APRT: variants seen among roughly 807,000 people sequenced by gnomAD.
The protein encoded by APRT is AMP diphosphorylase.
Under a neutral mutation model 21.0 loss-of-function variants are expected in APRT, and 25 were observed. The observed-to-expected ratio is 1.19, with a 90% CI of 0.87 to 1.66. APRT has a LOEUF of 1.66. APRT is among the 40% of genes most tolerant of loss of function. The probability of loss-of-function intolerance (pLI) is 0.00; values close to 1 mark genes in which losing one functional copy is unlikely to be tolerated. For missense variants in APRT, 294 were observed against 232.7 expected (o/e 1.26, Z -1.72); for synonymous variants, 153 against 109.0 (o/e 1.40, Z -2.52).
In APRT at chr16:88,809,785, C is replaced by T; in HGVS notation, c.456G>A (p.Glu152=). The T allele has an allele frequency of 6.2e-7, 1 of 1,613,248 alleles. No individual in the cohort carries two copies. The highest frequency in any genetic ancestry group is 8.5e-7 in the Non-Finnish European group (1 of 1,180,022). The change falls in exon 5 of 5, where the codon GAG becomes GAA. Residue 152 remains glutamate, a synonymous_variant. Coordinates refer to ENST00000378364, the MANE Select transcript of APRT (RefSeq NM_000485.3). ...LLGRLQAEVL[E]CVSLVELTSL... ...AGGTCAGCTCCACCAGGCTCACGCA[C>T]TCCAGGACCTCAGCCTGCAGGCGGC...
Position 88,811,660 on chromosome 16 carries a change from G to C in APRT, c.81-4C>G. The C allele has an allele frequency of 6.3e-7, 1 of 1,581,726 alleles. No individual in the cohort carries two copies. Among genetic ancestry groups the C allele is most frequent in the Non-Finnish European group, 8.6e-7 (1 of 1,162,392 alleles). On this transcript the variant is annotated splice_region_variant and splice_polypyrimidine_tract_variant and intron_variant, in intron 1 of 4. Transcript: ENST00000378364. ...CTTCAGGACGGGCGAGATGTCCCTG[G>C]ACCCAAGGACAGGCCTGGTGACGCC...
chr16:88,810,588 A>G (rs1159794545), intron 2 of APRT, 32 bp from the exon 3 acceptor site: 1 of 1,606,810 alleles, frequency 6.2e-7, no homozygotes, highest in Admixed American at 1.7e-5. Flanking sequence ...GTGACTCGGC[A>G]GCATGGGAAT....
At chr16:88,810,260 T>C in intron 3 of APRT, 112 bp from the exon 4 acceptor site, 5 of 1,493,584 alleles carry the variant, frequency 3.3e-6, no homozygotes, top group Non-Finnish European at 4.6e-6. Flanking sequence ...TGCTGTTACC[T>C]GGCTGTGTGA....
intron 2 of APRT, 124 bp downstream of exon 2, chr16:88,811,399 ACCCTTCCCGGGCGACCCAAGCACGGCG>A: frequency 1.2e-6 from 1 of 834,886 alleles, no homozygotes; most frequent in Non-Finnish European, 1.9e-6. Context: ...CAATCTCACA[ACCCTTCCCGGGCGACCCAAGCACGGCG>A]CCCGTCCCGG....
intron 1 of APRT, 27 bp from the exon 2 acceptor site, chr16:88,811,683 G>A (rs941513758): frequency 1.5e-5 from 23 of 1,541,512 alleles, no homozygotes; most frequent in Non-Finnish European, 2.0e-5. Flanking sequence ...GCCTGGTGAC[G>A]CCGGGGCCGA....
chr16:88,811,910 G>T lies in APRT; in HGVS notation c.-11C>A, dbSNP rs891185654. On this transcript the variant is annotated 5_prime_UTR_variant, in exon 1 of 5. Coordinates refer to ENST00000378364, the MANE Select transcript of APRT (RefSeq NM_000485.3). The stretch of plus-strand genomic sequence containing the variant: ...CTCGGAGTCGGCCATGGCCGCGTGC[G>T]AAGAGCCAGCGGCAGCCCGAGCGCG... The T allele has an allele frequency of 4.5e-6, 7 of 1,544,100 alleles. No homozygotes were observed. The African/African-American group carries it at 5.5e-5, about 12-fold the overall frequency.
rs983459375 is a variant in APRT, at chr16:88,809,417, G to T, written c.*281C>A. On this transcript the variant is annotated 3_prime_UTR_variant, in exon 5 of 5. Transcript: ENST00000378364. ...ATGCCCACAGTACAGCTGAAGTCTG[G>T]TGTTGTCCTGGGGCTCCCTGCCCTG... is the stretch of plus-strand genomic sequence containing the variant. 7.0e-6 allele frequency: 4 copies of T among 569,240 alleles called. No homozygotes were observed. Among genetic ancestry groups the T allele is most frequent in the African/African-American group, 3.7e-5 (2 of 54,092 alleles). 35.3% of individuals were successfully genotyped at this position (569,240 alleles called of 1,614,324 possible).
chr16:88,809,878 C>A, intron 4 of APRT, 38 bp from the exon 5 acceptor site: 1 of 1,604,770 alleles, frequency 6.2e-7, no homozygotes. Context: ...TTGGCCTGGG[C>A]TGCAGAGAGC....
intron 4 of APRT, 82 bp downstream of exon 4, chr16:88,809,986 GCA>G: frequency 6.4e-7 from 1 of 1,569,208 alleles, no homozygotes; most frequent in African/African-American, 1.3e-5. Context: ...ACAGTAAGCT[GCA>G]TCCCATGTCA....
At position 88,811,928 on chromosome 16, in the gene APRT, C is replaced by T; in HGVS notation, c.-29G>A. 1 of 1,532,878 alleles carries T rather than the reference C, an allele frequency of 6.5e-7. No individual in the cohort carries two copies. Among genetic ancestry groups the T allele is most frequent in the Non-Finnish European group, 8.7e-7 (1 of 1,142,966 alleles). 95.0% of individuals were successfully genotyped at this position (1,532,878 alleles called of 1,614,324 possible). A position where few individuals can be genotyped will look rare whatever the true frequency, so the allele number is the denominator to read the frequency against. ...CGCGTGCGAAGAGCCAGCGGCAGCC[C>T]GAGCGCGCCTGCGCGGGGACGGGCG... is the stretch of plus-strand genomic sequence containing the variant. On this transcript the variant is annotated 5_prime_UTR_variant, in exon 1 of 5. Coordinates refer to ENST00000378364, the MANE Select transcript of APRT (RefSeq NM_000485.3).
At position 88,811,557 on chromosome 16, in the gene APRT, G is replaced by A. The variant is rs1285776557; in HGVS notation, c.180C>T (p.Tyr60=). ...LKATHGGRID[Y]IAGLDSRGFL... ...CGGCCACTGGGCACTCGCCTGCGAT[G>A]TAGTCGATGCGGCCCCCGTGGGTCG... Residue 60 remains tyrosine, a synonymous_variant, in exon 2 of 5, where the codon TAC becomes TAT. Coordinates refer to ENST00000378364, the MANE Select transcript of APRT (RefSeq NM_000485.3). 1.3e-6 allele frequency: 2 copies of A among 1,595,514 alleles called. No homozygotes were observed. The highest frequency in any genetic ancestry group is 1.7e-6 in the Non-Finnish European group (2 of 1,172,470).
chr16:88,809,468 CTT>C lies in APRT; in HGVS notation c.*228_*229del, dbSNP rs1441762135. 3 of 699,612 alleles carry C rather than the reference CTT, an allele frequency of 4.3e-6. No homozygotes were observed. In the African/African-American group the frequency reaches 5.3e-5, roughly 12 times the overall value. 43.3% of individuals were successfully genotyped at this position (699,612 alleles called of 1,614,324 possible). On this transcript the variant is annotated 3_prime_UTR_variant, in exon 5 of 5. Coordinates refer to ENST00000378364, the MANE Select transcript of APRT (RefSeq NM_000485.3). ...GGGAACAGGAGGACAGGAGACGGCT[CTT>C]GTGGGAAAGCTGTTTACTGCGTTCT...
At chr16:88,810,201 T>TTGCACAGCTTGGC in intron 3 of APRT, 53 bp from the exon 4 acceptor site, 6 of 1,588,194 alleles carry the variant, frequency 3.8e-6, no homozygotes, top group Non-Finnish European at 5.2e-6. Context: ...AACAGCTTTG[T>TTGCACAGCTTGGC]TGCACAGCTT....
At position 88,811,925 on chromosome 16, in the gene APRT, G is replaced by C. The variant is rs1001552853; in HGVS notation, c.-26C>G. On this transcript the variant is annotated 5_prime_UTR_variant, in exon 1 of 5. Transcript: ENST00000378364. ...GGCCGCGTGCGAAGAGCCAGCGGCA[G>C]CCCGAGCGCGCCTGCGCGGGGACGG... 2 of 1,533,172 alleles carry C rather than the reference G, an allele frequency of 1.3e-6. No individual in the cohort carries two copies. Among genetic ancestry groups the C allele is most frequent in the African/African-American group, 1.4e-5 (1 of 72,176 alleles). 95.0% of individuals were successfully genotyped at this position (1,533,172 alleles called of 1,614,324 possible).
At position 88,809,512 on chromosome 16, in the gene APRT, G is replaced by T; in HGVS notation, c.*186C>A. ...CTGCGTTCTCCCGCTGTGTGTAATTGGGTTCAGTGTGGCTGAAACACAGCT... is the reference window on the plus strand; with the variant it reads ...CTGCGTTCTCCCGCTGTGTGTAATTTGGTTCAGTGTGGCTGAAACACAGCT... On this transcript the variant is annotated 3_prime_UTR_variant, in exon 5 of 5. Transcript: ENST00000378364. The T allele has an allele frequency of 1.1e-6, 1 of 899,972 alleles. No homozygotes were observed. Among genetic ancestry groups the T allele is most frequent in the Non-Finnish European group, 1.8e-6 (1 of 565,924 alleles). 55.7% of individuals were successfully genotyped at this position (899,972 alleles called of 1,614,324 possible).
In APRT at chr16:88,811,858, GCGGATCCGCTGCTCAACCAGCTGCAGCT is replaced by G. The variant is rs968266273; in HGVS notation, c.14_41del (p.Glu5AlafsTer20). On this transcript the variant is annotated frameshift_variant, in exon 1 of 5. Coordinates refer to ENST00000378364, the MANE Select transcript of APRT (RefSeq NM_000485.3). LOFTEE classifies it high-confidence loss of function. Reference sequence around the variant, plus strand: ...CTGGGGTGGGGAAGTCGGGGAAGCTGCGGATCCGCTGCTCAACCAGCTGCAGCTCGGAGTCGGCCATGGCCGCGTGCGA... The same window carrying G: ...CTGGGGTGGGGAAGTCGGGGAAGCTGCGGAGTCGGCCATGGCCGCGTGCGA... 6.4e-7 allele frequency: 1 copy of G among 1,572,570 alleles called. No individual in the cohort carries two copies. The highest frequency in any genetic ancestry group is 1.4e-5 in the African/African-American group (1 of 73,668).
In APRT at chr16:88,811,664, C is replaced by A; in HGVS notation, c.81-8G>T. 1.3e-6 allele frequency: 2 copies of A among 1,578,054 alleles called. No individual in the cohort carries two copies. The highest frequency in any genetic ancestry group is 1.4e-5 in the African/African-American group (1 of 73,580). ...AGGACGGGCGAGATGTCCCTGGACC[C>A]AAGGACAGGCCTGGTGACGCCGGGG... On this transcript the variant is annotated splice_region_variant and splice_polypyrimidine_tract_variant and intron_variant, in intron 1 of 4. Transcript: ENST00000378364.
intron 1 of APRT, 45 bp from the exon 2 acceptor site, chr16:88,811,701 C>A: frequency 6.6e-7 from 1 of 1,518,444 alleles, no homozygotes; most frequent in South Asian, 1.2e-5. Context: ...CGAAGGAGGG[C>A]AGGGCCCCGG....
rs778979771 is a variant in APRT at position 88,810,503 on chromosome 16, G to T, written c.241C>A (p.Leu81Met). 3 of 1,612,242 alleles carry T rather than the reference G, an allele frequency of 1.9e-6. No homozygotes were observed. The South Asian group carries it at 3.3e-5, about 18-fold the overall frequency. ...CGCTTTCGGATGAGCACGCAGCCCA[G>T]TCCAAGCTCCTGGGCCAGGGAGGGG... ...FGPSLAQELGLGCVLIRKRGK... is the reference protein window; with the variant it reads ...FGPSLAQELGMGCVLIRKRGK... The change falls in exon 3 of 5, where the codon CTG (leucine) becomes ATG (methionine). Residue 81 changes from leucine to methionine, a missense_variant. Leu to Met is a conservative substitution (Grantham distance 15). Coordinates refer to ENST00000378364, the MANE Select transcript of APRT (RefSeq NM_000485.3).
Sources: gnomAD v4.1 joint callset for allele counts on GRCh38, gnomAD v4.1.1 for gene constraint, MANE v1.5 for transcripts, NCBI Gene and HGNC (gene_info 2026-07-23, HGNC 2026-07-21) for gene names.